Variants in TET3 observed in about 807,000 individuals in gnomAD.
The protein encoded by TET3 is methylcytosine dioxygenase TET3.
TET3 carries 19 observed loss-of-function variants against 141.4 expected under a neutral mutation model. The observed-to-expected ratio is 0.13, with a 90% CI of 0.09 to 0.20. TET3 has a LOEUF of 0.20. TET3 is among the 10% of genes least tolerant of loss of function. TET3 has a pLI of 1.00. For synonymous variants in TET3, 1,043 were observed against 980.9 expected (o/e 1.06, Z -1.18); for missense variants, 1,874 against 2,356.9 (o/e 0.80, Z 4.24).
intron 6 of TET3, among the ~76,000 whole-genome samples, chr2:74,085,678 G>C (rs1184961176): frequency 6.6e-6 from 1 of 151,086 alleles, no homozygotes; most frequent in African/African-American, 2.5e-5. Context: ...TCTGACAGGA[G>C]GTGGAGCTCA....
chr2:74,076,664 G>A (rs1293543252), intron 5 of TET3, among the ~76,000 whole-genome samples: 2 of 148,590 alleles, frequency 1.3e-5, no homozygotes, highest in Non-Finnish European at 3.0e-5. Context: ...TTATCTTATA[G>A]ATATCTTCAT....
At chr2:73,990,942 T>G (rs141361270) in intron 2 of TET3, among the ~76,000 whole-genome samples, 118 of 152,258 alleles carry the variant, frequency 7.7e-4, no homozygotes, top group Non-Finnish European at 1.0e-3. Context: ...TCTGAGCATT[T>G]GTCAAGCCTG....
chr2:74,061,751 G>A (rs1436132061), intron 4 of TET3, among the ~76,000 whole-genome samples: 6 of 145,812 alleles, frequency 4.1e-5, no homozygotes, highest in Admixed American at 2.0e-4. Flanking sequence ...CGGGGCGGCC[G>A]GGCAGAGACG....
At chr2:74,119,282 G>A in the TET3 span, among the ~76,000 whole-genome samples, 1 of 151,542 alleles carries the variant, frequency 6.6e-6, no homozygotes, top group African/African-American at 2.4e-5. Context: ...GAACCGGGGA[G>A]GCGGAGGTTG....
At chr2:74,019,749 A>G (rs1356021831) in intron 3 of TET3, among the ~76,000 whole-genome samples, 1 of 152,196 alleles carries the variant, frequency 6.6e-6, no homozygotes, top group African/African-American at 2.4e-5. Flanking sequence ...TCTGGATAAC[A>G]GATTGGGCAC....
chr2:74,011,604 C>G (rs1467069009), intron 3 of TET3, among the ~76,000 whole-genome samples: 1 of 152,252 alleles, frequency 6.6e-6, no homozygotes, highest in Non-Finnish European at 1.5e-5. Context: ...TCTCCCTTAT[C>G]ACCTTTAGTT....
At chr2:74,135,356 C>T in the TET3 span, 1 of 649,224 alleles carries the variant, frequency 1.5e-6, no homozygotes, top group Non-Finnish European at 2.7e-6. Context: ...TGTCTAAAGA[C>T]AAGACCCCTT....
intron 3 of TET3, among the ~76,000 whole-genome samples, chr2:74,038,653 A>G (rs1328186240): frequency 6.6e-6 from 1 of 152,166 alleles, no homozygotes; most frequent in East Asian, 1.9e-4. Context: ...ATCTCAAAGT[A>G]TAGGGGTGAT....
chr2:74,016,448 A>G (rs947205595), intron 3 of TET3, among the ~76,000 whole-genome samples: 1 of 152,228 alleles, frequency 6.6e-6, no homozygotes, highest in Non-Finnish European at 1.5e-5. Context: ...GGCCAGGCAC[A>G]GTGGCTCTTA....
Position 74,042,574 on chromosome 2 carries a change from G to T in TET3, c.361-3704G>T, listed in dbSNP as rs1360660477. On this transcript the variant is annotated intron_variant, in intron 3 of 11. Coordinates refer to ENST00000409262, the MANE Select transcript of TET3 (RefSeq NM_001287491.2). Reference sequence around the variant, plus strand: ...GATTTGGCCCGAAGCTCTCACCTTTGTGACCTGTCAGCCACAGTATCTCCC... The same window carrying T: ...GATTTGGCCCGAAGCTCTCACCTTTTTGACCTGTCAGCCACAGTATCTCCC... Among the ~76,000 whole-genome samples the T allele has an allele frequency of 2.6e-5, 4 of 152,212 alleles. No individual in the cohort carries two copies. In the East Asian group the frequency reaches 7.7e-4, roughly 29 times the overall value.
Position 74,100,462 on chromosome 2 carries a change from A to C in TET3, c.3674A>C (p.His1225Pro). 1 of 1,588,756 alleles carries C rather than the reference A, an allele frequency of 6.3e-7. No individual in the cohort carries two copies. Among genetic ancestry groups the C allele is most frequent in the Non-Finnish European group, 8.6e-7 (1 of 1,167,840 alleles). The change falls in exon 12 of 12, where the codon CAC becomes CCC. Residue 1225 changes from histidine to proline, a missense_variant. His to Pro is a moderately conservative substitution (Grantham distance 77). Around this residue, in one of 10 missense-constraint regions of TET3, gnomAD observed 602 missense variants for 590.2 expected, o/e 1.02. Transcript: ENST00000409262. ...TCCCTCAAGGTGGAGCCGCAGAACC[A>C]CTTCAGCTCCTTCAAGTACAGCGGC... ...KPSLKVEPQN[H>P]FSSFKYSGNA...
chr2:74,032,455 G>C (rs1252781258), intron 3 of TET3, among the ~76,000 whole-genome samples: 2 of 4,362 alleles, frequency 4.6e-4, no homozygotes, highest in South Asian at 0.01. Flanking sequence ...GTGTCTCTGT[G>C]TGTGTGTGTG....
chr2:74,038,211 C>T (rs997284314), intron 3 of TET3, among the ~76,000 whole-genome samples: 1 of 152,082 alleles, frequency 6.6e-6, no homozygotes, highest in Non-Finnish European at 1.5e-5. Context: ...CTGGGGTTGG[C>T]GATGCTGTAT....
At chr2:74,028,027 T>C (rs570932444) in intron 3 of TET3, among the ~76,000 whole-genome samples, 1 of 152,188 alleles carries the variant, frequency 6.6e-6, no homozygotes, top group South Asian at 2.1e-4. Context: ...CTCTGTCATC[T>C]GGGCTAGAGT....
chr2:74,030,634 C>T (rs1423423449), intron 3 of TET3, among the ~76,000 whole-genome samples: 1 of 152,038 alleles, frequency 6.6e-6, no homozygotes, highest in African/African-American at 2.4e-5. Flanking sequence ...ACTGTTTGAA[C>T]CAAGACAGAA....
chr2:73,991,634 T>C (rs1454949516), intron 2 of TET3, among the ~76,000 whole-genome samples: 1 of 151,758 alleles, frequency 6.6e-6, no homozygotes, highest in Non-Finnish European at 1.5e-5. Context: ...TGGGCCCCAC[T>C]CCCAAGGGAT....
chr2:74,090,791 C>G (rs529268485), intron 8 of TET3, among the ~76,000 whole-genome samples: 1 of 152,362 alleles, frequency 6.6e-6, no homozygotes, highest in South Asian at 2.1e-4. Context: ...GGTCTCCACT[C>G]AGCTCCAAAT....
chr2:74,059,882 T>C (rs1688411164), intron 4 of TET3, among the ~76,000 whole-genome samples: 1 of 152,230 alleles, frequency 6.6e-6, no homozygotes, highest in South Asian at 2.1e-4. Context: ...CTCATAGCTG[T>C]ACAGCATTCC....
rs967684788 is a variant in TET3 at position 74,100,236 on chromosome 2, G to T, written c.3605-157G>T. Among the ~76,000 whole-genome samples, 12 of 152,238 alleles carry T rather than the reference G, an allele frequency of 7.9e-5. No individual in the cohort carries two copies. The East Asian group carries it at 2.3e-3, about 29-fold the overall frequency. ...GAGCAGGGCCCAGGGAGTACGACCC[G>T]TTCTGGGCTGGACATGCCTCAGCAC... On this transcript the variant is annotated intron_variant, in intron 11 of 11. Transcript: ENST00000409262.
Sources: allele counts gnomAD v4.1 joint callset (sites outside exome capture counted in the v4.1 genomes callset), GRCh38; gene constraint gnomAD v4.1.1; regional missense constraint gnomAD v4.1.1; transcripts MANE v1.5; gene names NCBI Gene and HGNC (gene_info 2026-07-23, HGNC 2026-07-21).